The following SEC14L5 variants were observed in gnomAD, a reference collection of about 807,000 sequenced individuals.
The protein encoded by SEC14L5 is SEC14-like protein 5.
In SEC14L5, 96 loss-of-function variants were observed where a neutral mutation model predicts 84.6. The observed-to-expected ratio is 1.13, with a 90% CI of 0.96 to 1.34. The LOEUF (loss-of-function observed/expected upper bound fraction) is 1.34, where lower values mean the gene tolerates loss of function less well. SEC14L5 is among the 40% of genes most tolerant of loss of function. The probability of loss-of-function intolerance (pLI) is 0.00; values close to 1 mark genes in which losing one functional copy is unlikely to be tolerated. For synonymous variants in SEC14L5, 546 were observed against 383.4 expected, an observed-to-expected ratio of 1.42 and a Z score of -4.95; for missense variants, 1,224 against 942.5, an observed-to-expected ratio of 1.30 and a Z score of -3.91.
intron 10 of SEC14L5, among the ~76,000 whole-genome samples, chr16:5,002,245 A>G (rs561826484): frequency 5.1e-4 from 77 of 151,282 alleles, no homozygotes; most frequent in African/African-American, 1.8e-3. Flanking sequence ...TCAGCTTTTC[A>G]GCCCCAAATA....
chr16:4,979,240 G>C (rs1381208859), intron 2 of SEC14L5, among the ~76,000 whole-genome samples: 1 of 152,194 alleles, frequency 6.6e-6, no homozygotes, highest in Non-Finnish European at 1.5e-5. Context: ...GGAGTGTCTT[G>C]AGTGTTGGGC....
At chr16:5,004,795 C>T (rs930236455) in intron 11 of SEC14L5, among the ~76,000 whole-genome samples, 4 of 152,208 alleles carry the variant, frequency 2.6e-5, no homozygotes, top group Admixed American at 1.3e-4. Flanking sequence ...CACTTCCTTC[C>T]TTCTTTATCA....
At chr16:4,968,539 C>G (rs535898024) in intron 2 of SEC14L5, among the ~76,000 whole-genome samples, 7 of 152,332 alleles carry the variant, frequency 4.6e-5, no homozygotes, top group African/African-American at 9.6e-5. Flanking sequence ...GTTGCCCATG[C>G]TAGTCCGAAA....
rs148132971 is a variant in SEC14L5 at position 4,996,397 on chromosome 16, G to A, written c.717G>A (p.Thr239=). 1,294 of 1,572,236 alleles carry A rather than the reference G, an allele frequency of 8.2e-4. 12 individuals are homozygous for A. The African/African-American group carries it at 0.014, about 17-fold the overall frequency. Reference sequence around the variant, plus strand: ...TTGAGAGGTGCCTGGGCCACCTCACGCCCATGCAGGAGAGCTGCCTGATCC... The same window carrying A: ...TTGAGAGGTGCCTGGGCCACCTCACACCCATGCAGGAGAGCTGCCTGATCC... ...DYIERCLGHL[T]PMQESCLIQL... is the part of the protein sequence containing the mutation. The change falls in exon 7 of 16, where the codon ACG becomes ACA. Residue 239 remains threonine (T), a synonymous_variant. Transcript: ENST00000251170.
At position 4,990,750 on chromosome 16, in the gene SEC14L5, C is replaced by G; in HGVS notation, c.346-17C>G. 1 of 1,600,044 alleles carries G rather than the reference C, an allele frequency of 6.2e-7. No homozygotes were observed. Among genetic ancestry groups the G allele is most frequent in the Non-Finnish European group, 8.5e-7 (1 of 1,173,006 alleles). ...CCCGACATTGAGTCCCTGGCATGAC[C>G]CCTGCCTGGCTTTCAGGTCCACCCT... On this transcript the variant is annotated splice_polypyrimidine_tract_variant and intron_variant, in intron 4 of 15. Coordinates refer to ENST00000251170, the MANE Select transcript of SEC14L5 (RefSeq NM_014692.2).
At position 4,988,250 on chromosome 16, in the gene SEC14L5, C is replaced by G; in HGVS notation, c.315C>G (p.Arg105=). Reference sequence around the variant, plus strand: ...CGCACAATGAGACCTTCGCCAACCGCGTGGTGGTGAACGAGCACTGCAGCT... The same window carrying G: ...CGCACAATGAGACCTTCGCCAACCGGGTGGTGGTGAACGAGCACTGCAGCT... ...IEAHNETFAN[R]VVVNEHCSYT... Residue 105 remains arginine, a synonymous_variant, in exon 4 of 16, where the codon CGC becomes CGG. Coordinates refer to ENST00000251170, the MANE Select transcript of SEC14L5 (RefSeq NM_014692.2). 1 of 1,613,804 alleles carries G rather than the reference C, an allele frequency of 6.2e-7. No individual in the cohort carries two copies. The highest frequency in any genetic ancestry group is 8.5e-7 in the Non-Finnish European group (1 of 1,179,782).
intron 2 of SEC14L5, among the ~76,000 whole-genome samples, chr16:4,969,000 G>C (rs960706338): frequency 6.6e-6 from 1 of 152,268 alleles, no homozygotes; most frequent in African/African-American, 2.4e-5. Context: ...AGTTGGATTC[G>C]CTGTTACGGA....
Position 4,988,164 on chromosome 16 carries a change from C to T in SEC14L5, c.229C>T (p.His77Tyr), listed in dbSNP as rs376974292. The part of the protein sequence containing the change: ...RLLRKIAGVE[H>Y]VVFVQTNILN... ...TCCCTTGCAGATCGCAGGTGTTGAG[C>T]ACGTGGTCTTCGTGCAGACAAACAT... Residue 77 changes from histidine (H) to tyrosine (Y), a missense_variant, in exon 4 of 16, where the codon CAC becomes TAC. His to Tyr is a moderately conservative substitution (Grantham distance 83, BLOSUM62 2). Coordinates refer to ENST00000251170, the MANE Select transcript of SEC14L5 (RefSeq NM_014692.2). 1.9e-6 allele frequency: 3 copies of T among 1,613,622 alleles called. No individual in the cohort carries two copies. Among genetic ancestry groups the T allele is most frequent in the African/African-American group, 1.3e-5 (1 of 74,906 alleles).
intron 8 of SEC14L5, among the ~76,000 whole-genome samples, chr16:4,997,253 C>T (rs1189385135): frequency 6.6e-6 from 1 of 152,214 alleles, no homozygotes; most frequent in East Asian, 1.9e-4. Context: ...CACCCGCCAC[C>T]ACAGCTGGCT....
At chr16:5,003,103 C>T (rs1182245757) in intron 10 of SEC14L5, among the ~76,000 whole-genome samples, 4 of 152,234 alleles carry the variant, frequency 2.6e-5, no homozygotes. Flanking sequence ...CTCACTTGAT[C>T]CTAACAGCAG....
chr16:4,974,092 C>T (rs992932623), intron 2 of SEC14L5, among the ~76,000 whole-genome samples: 3 of 151,426 alleles, frequency 2.0e-5, no homozygotes, highest in South Asian at 2.1e-4. Flanking sequence ...GGGGAGGGGG[C>T]GGAGATGGGG....
At position 5,017,782 on chromosome 16, in the gene SEC14L5, C is replaced by T. The variant is rs1486315297; in HGVS notation, c.*2812C>T. On this transcript the variant is annotated 3_prime_UTR_variant, in exon 16 of 16. Transcript: ENST00000251170. Reference sequence around the variant, plus strand: ...CCCATGTGGAGGTCTCGGGGACCCACGTGGAAGCATTATCAAGGTCATTCT... The same window carrying T: ...CCCATGTGGAGGTCTCGGGGACCCATGTGGAAGCATTATCAAGGTCATTCT... The T allele has an allele frequency of 6.6e-6, 1 of 151,902 alleles. No individual in the cohort carries two copies. The highest frequency in any genetic ancestry group is 1.5e-5 in the Non-Finnish European group (1 of 67,972). 9.4% of individuals were successfully genotyped at this position (151,902 alleles called of 1,614,324 possible).
intron 11 of SEC14L5, among the ~76,000 whole-genome samples, chr16:5,003,781 C>T (rs1234371358): frequency 1.3e-5 from 2 of 152,250 alleles, no homozygotes; most frequent in East Asian, 1.9e-4. Context: ...ATTGTCACCA[C>T]TAGCCAATCC....
rs190605639 is a variant in SEC14L5, at chr16:4,972,748, G to A, written c.63+13362G>A. On this transcript the variant is annotated intron_variant, in intron 2 of 15. Coordinates refer to ENST00000251170, the MANE Select transcript of SEC14L5 (RefSeq NM_014692.2). ...TATCTGTTCATCTGTTGATGGACAC[G>A]TGGGTGTTTTCCCCCTTTTGATCAT... 8.5e-5 allele frequency among the ~76,000 whole-genome samples: 13 copies of A among 152,324 alleles called. No homozygotes were observed. In the East Asian group the frequency reaches 1.9e-3, roughly 23 times the overall value.
At chr16:4,971,318 G>T (rs143500924) in intron 2 of SEC14L5, among the ~76,000 whole-genome samples, 79 of 152,128 alleles carry the variant, frequency 5.2e-4, no homozygotes, top group Admixed American at 2.9e-3. Context: ...TATGAACTGG[G>T]CATGGTGATG....
intron 4 of SEC14L5, among the ~76,000 whole-genome samples, chr16:4,990,169 A>T (rs1005109432): frequency 6.7e-6 from 1 of 149,732 alleles, no homozygotes; most frequent in Admixed American, 6.7e-5. Flanking sequence ...TTATTTTATT[A>T]TTTTTTTTTT....
chr16:4,963,676 C>A (rs1158074138), intron 2 of SEC14L5, among the ~76,000 whole-genome samples: 1 of 150,982 alleles, frequency 6.6e-6, no homozygotes, highest in Admixed American at 6.6e-5. Flanking sequence ...CTTTTTGAGA[C>A]AGAGTCTCGC....
At chr16:4,960,850 G>C (rs56319614) in intron 2 of SEC14L5, 19,136 of 152,230 alleles carry the variant, frequency 0.13, 2,004 homozygotes, top group East Asian at 0.47. Context: ...GCAAGTGCCT[G>C]AGTGACTTTG....
At chr16:5,012,764 G>GTGTGGTGGCC (rs57447743) in intron 15 of SEC14L5, among the ~76,000 whole-genome samples, 1 of 84,124 alleles carries the variant, frequency 1.2e-5, no homozygotes, top group African/African-American at 4.1e-5. Flanking sequence ...AATTAGCCGG[G>GTGTGGTGGCC]CATGCCTATA....
Sources: allele counts gnomAD v4.1 joint callset (sites outside exome capture counted in the v4.1 genomes callset), GRCh38; gene constraint gnomAD v4.1.1; transcripts MANE v1.5; gene names NCBI Gene and HGNC (gene_info 2026-07-23, HGNC 2026-07-21).